The following NUB1 variants were observed in gnomAD, a reference collection of about 807,000 sequenced individuals.
NUB1 encodes negative regulator of ubiquitin like proteins 1.
In NUB1, 41 loss-of-function variants were observed where a neutral mutation model predicts 77.1. The ratio of observed to expected loss-of-function variants is 0.53; its 90% CI spans 0.41 to 0.69. NUB1 has a LOEUF of 0.69. Among genes scored for constraint, NUB1 ranks in the 30% least tolerant of loss-of-function variants. The pLI is 0.00. For synonymous variants in NUB1, 257 were observed against 281.0 expected (o/e 0.91, Z 0.85); for missense variants, 643 against 743.8 (o/e 0.86, Z 1.58).
At chr7:151,376,931 C>G (rs967255870) in intron 14 of NUB1, 116 bp from the exon 15 acceptor site, 15 of 1,404,784 alleles carry the variant, frequency 1.1e-5, no homozygotes, top group Non-Finnish European at 1.2e-5. Context: ...GTCACCGGGC[C>G]GGCCACCTGG....
chr7:151,354,247 C>T (rs1456501809), intron 5 of NUB1, among the ~76,000 whole-genome samples: 1 of 151,556 alleles, frequency 6.6e-6, no homozygotes, highest in Admixed American at 6.6e-5. Flanking sequence ...TCTGTTCTTC[C>T]TACTCACCTG....
intron 11 of NUB1, among the ~76,000 whole-genome samples, chr7:151,370,518 TTTTA>T (rs1440333896): frequency 6.6e-6 from 1 of 152,118 alleles, no homozygotes; most frequent in Non-Finnish European, 1.5e-5. Flanking sequence ...TTATTTTTAT[TTTTA>T]TTTATTTTTT....
In NUB1 at chr7:151,378,319, C is replaced by A. The variant is rs185715358; in HGVS notation, c.*1094C>A. The stretch of plus-strand genomic sequence containing the variant: ...CTGACTGAAGACAGGATGGATCATG[C>A]GGAGCCGGCTGAAATGCTCCAACTT... On this transcript the variant is annotated 3_prime_UTR_variant, in exon 15 of 15. Transcript: ENST00000568733. 1 of 152,172 alleles carries A rather than the reference C, an allele frequency of 6.6e-6. No homozygotes were observed. Among genetic ancestry groups the A allele is most frequent in the South Asian group, 2.1e-4 (1 of 4,824 alleles). 9.4% of individuals were successfully genotyped at this position (152,172 alleles called of 1,614,324 possible).
chr7:151,348,118 G>A (rs1027422719), intron 2 of NUB1, among the ~76,000 whole-genome samples: 4 of 152,166 alleles, frequency 2.6e-5, no homozygotes, highest in African/African-American at 9.7e-5. Context: ...TCCAGATGCT[G>A]AATTTTGGCG....
At chr7:151,362,806 G>A (rs1056506616) in intron 8 of NUB1, among the ~76,000 whole-genome samples, 21 of 152,212 alleles carry the variant, frequency 1.4e-4, no homozygotes, top group African/African-American at 3.4e-4. Flanking sequence ...TGAGGAAACC[G>A]CCCAGGGCTG....
chr7:151,368,008 T>TA, intron 10 of NUB1, 40 bp downstream of exon 10: 2 of 1,157,460 alleles, frequency 1.7e-6, no homozygotes, highest in Non-Finnish European at 2.5e-6. Context: ...CACCTCCTTT[T>TA]AAAAAACATT....
chr7:151,360,411 T>A, intron 8 of NUB1, 164 bp downstream of exon 8: 1 of 483,236 alleles, frequency 2.1e-6, no homozygotes, highest in Non-Finnish European at 3.7e-6. Flanking sequence ...TCCCTTTGTA[T>A]TTCTAATTGA....
intron 8 of NUB1, chr7:151,360,523 T>G (rs906210965): frequency 3.2e-6 from 1 of 316,562 alleles, no homozygotes; most frequent in Non-Finnish European, 5.8e-6. Context: ...ATTATAAAGT[T>G]TCCTGTCAGC....
Position 151,377,326 on chromosome 7 carries a change from G to T in NUB1, c.*101G>T. The stretch of plus-strand genomic sequence containing the variant: ...TTCTTACTTTTTATCTGAATTACAA[G>T]TCCTCTTTGGGTGTAGGAGGGGGTG... On this transcript the variant is annotated 3_prime_UTR_variant, in exon 15 of 15. Coordinates refer to ENST00000568733, the MANE Select transcript of NUB1 (RefSeq NM_001243351.2). The T allele has an allele frequency of 1.2e-6, 1 of 823,452 alleles. No individual in the cohort carries two copies. Among genetic ancestry groups the T allele is most frequent in the Non-Finnish European group, 1.8e-6 (1 of 550,016 alleles). The allele number at this position is 823,452 out of a possible 1,614,324, so 51.0% of individuals were successfully genotyped here. A position where few individuals can be genotyped will look rare whatever the true frequency, so the allele number is the denominator to read the frequency against.
chr7:151,375,657 C>A (rs1460886804), intron 12 of NUB1, among the ~76,000 whole-genome samples, 191 bp from the exon 13 acceptor site: 1 of 152,234 alleles, frequency 6.6e-6, no homozygotes, highest in Non-Finnish European at 1.5e-5. Context: ...CTTGCTCCTC[C>A]TTCAAACCCC....
intron 3 of NUB1, 199 bp from the exon 4 acceptor site, chr7:151,351,225 C>A: frequency 1.8e-6 from 1 of 556,418 alleles, no homozygotes; most frequent in Non-Finnish European, 3.2e-6. Flanking sequence ...TGCCACGCTG[C>A]CGCCCCCTTG....
In NUB1 at chr7:151,341,824, G is replaced by T; in HGVS notation, c.-25G>T. 1 of 1,507,534 alleles carries T rather than the reference G, an allele frequency of 6.6e-7. No individual in the cohort carries two copies. The highest frequency in any genetic ancestry group is 8.8e-7 in the Non-Finnish European group (1 of 1,137,214). 93.4% of individuals were successfully genotyped at this position (1,507,534 alleles called of 1,614,324 possible). A position where few individuals can be genotyped will look rare whatever the true frequency, so the allele number is the denominator to read the frequency against. On this transcript the variant is annotated 5_prime_UTR_variant, in exon 1 of 15. Coordinates refer to ENST00000568733, the MANE Select transcript of NUB1 (RefSeq NM_001243351.2). ...GCCGCATCCGGGCACTCTGCTGGTC[G>T]CGGCGGGAGTGGCGTGGCGCAGGTG...
In NUB1 at chr7:151,375,957, C is replaced by T; in HGVS notation, c.1491+14C>T. 6.4e-7 allele frequency: 1 copy of T among 1,563,844 alleles called. No homozygotes were observed. Among genetic ancestry groups the T allele is most frequent in the Non-Finnish European group, 8.8e-7 (1 of 1,134,596 alleles). ...AACATTGACCGAGTGAGTGACAGGC[C>T]TTTGTGCCCTCAGCTTGGACAGCCT... On this transcript the variant is annotated intron_variant, in intron 13 of 14. Coordinates refer to ENST00000568733, the MANE Select transcript of NUB1 (RefSeq NM_001243351.2).
chr7:151,369,674 C>T (rs924897196), intron 11 of NUB1, among the ~76,000 whole-genome samples: 4 of 152,118 alleles, frequency 2.6e-5, no homozygotes, highest in African/African-American at 7.2e-5. Context: ...GTCTAGAGGG[C>T]GGTCATGGTG....
In NUB1 at chr7:151,368,857, T is replaced by C. The variant is rs1797827179; in HGVS notation, c.1218T>C (p.His406=). 3 of 1,613,872 alleles carry C rather than the reference T, an allele frequency of 1.9e-6. No homozygotes were observed. The highest frequency in any genetic ancestry group is 4.5e-5 in the East Asian group (2 of 44,874). The change falls in exon 11 of 15, where the codon CAT becomes CAC. Residue 406 remains histidine (H), a synonymous_variant. Coordinates refer to ENST00000568733, the MANE Select transcript of NUB1 (RefSeq NM_001243351.2). ...GGGCGTGTGATGGGAACGTGGATCA[T>C]GCGGCCACTCATATTACCAACCGCA... ...GLRACDGNVD[H]AATHITNRRE...
At chr7:151,355,226 G>C (rs1443762547) in intron 5 of NUB1, among the ~76,000 whole-genome samples, 1 of 152,154 alleles carries the variant, frequency 6.6e-6, no homozygotes, top group Admixed American at 6.5e-5. Context: ...GCTTTGATCT[G>C]GTCTTAGGCT....
chr7:151,348,524 G>A (rs1796611600), intron 2 of NUB1, among the ~76,000 whole-genome samples: 1 of 146,094 alleles, frequency 6.8e-6, no homozygotes, highest in Non-Finnish European at 1.5e-5. Flanking sequence ...CTATTTGTAG[G>A]TAGAAAACAT....
rs1796885224 is a variant in NUB1 at position 151,352,889 on chromosome 7, A to G, written c.415+7A>G. 11 of 1,400,236 alleles carry G rather than the reference A, an allele frequency of 7.9e-6. No individual in the cohort carries two copies. Among genetic ancestry groups the G allele is most frequent in the Non-Finnish European group, 9.9e-6 (10 of 1,009,512 alleles). The allele number at this position is 1,400,236 out of a possible 1,614,324, so 86.7% of individuals were successfully genotyped here. A position where few individuals can be genotyped will look rare whatever the true frequency, so the allele number is the denominator to read the frequency against. ...AAGAAGCAACTACAACTAGGTATGT[A>G]TGGCAAAGTATGCATAATTTTTTAA... On this transcript the variant is annotated splice_region_variant and intron_variant, in intron 5 of 14. Coordinates refer to ENST00000568733, the MANE Select transcript of NUB1 (RefSeq NM_001243351.2).
intron 4 of NUB1, among the ~76,000 whole-genome samples, chr7:151,351,916 A>ATCACACACAC (rs60437024): frequency 0.045 from 6,855 of 151,094 alleles, 513 homozygotes; most frequent in East Asian, 0.34. Flanking sequence ...CCATCTGTAA[A>ATCACACACAC]ACACACACAC....
Sources: allele counts gnomAD v4.1 joint callset (sites outside exome capture counted in the v4.1 genomes callset), GRCh38; gene constraint gnomAD v4.1.1; transcripts MANE v1.5; gene names NCBI Gene and HGNC (gene_info 2026-07-23, HGNC 2026-07-21).